NRDC: variants seen among roughly 807,000 people sequenced by gnomAD.
The protein encoded by NRDC is nardilysin convertase.
In NRDC, 54 loss-of-function variants were observed where a neutral mutation model predicts 147.1. That is an observed-to-expected ratio of 0.37 (90% CI 0.29 to 0.46). The LOEUF is 0.46. Among genes scored for constraint, NRDC ranks in the 20% least tolerant of loss-of-function variants. The pLI is 1.00. For synonymous variants in NRDC, 440 were observed against 482.1 expected, an observed-to-expected ratio of 0.91 and a Z score of 1.14; for missense variants, 1,082 against 1,370.6, an observed-to-expected ratio of 0.79 and a Z score of 3.33.
intron 2 of NRDC, chr1:51,837,536 G>C (rs756713068): frequency 1.9e-6 from 3 of 1,591,842 alleles, no homozygotes; most frequent in Non-Finnish European, 2.6e-6. Context: ...TCGACCAGCA[G>C]GGTTGAAGAC....
At chr1:51,850,951 C>A (rs994931778) in intron 1 of NRDC, among the ~76,000 whole-genome samples, 1 of 152,136 alleles carries the variant, frequency 6.6e-6, no homozygotes, top group African/African-American at 2.4e-5. Context: ...GAGCCAACTC[C>A]GGTTTGGTTC....
chr1:51,792,120 A>G, intron 25 of NRDC, 22 bp from the exon 26 acceptor site: 1 of 1,613,536 alleles, frequency 6.2e-7, no homozygotes, highest in Non-Finnish European at 8.5e-7. Context: ...CATACTGCCC[A>G]TCAGCCCAAC....
intron 9 of NRDC, among the ~76,000 whole-genome samples, chr1:51,819,051 C>T (rs1680096409): frequency 6.6e-6 from 1 of 152,094 alleles, no homozygotes; most frequent in South Asian, 2.1e-4. Context: ...CCTGTAATCC[C>T]AACACTGTGG....
At chr1:51,855,143 G>A (rs1196920812) in intron 1 of NRDC, among the ~76,000 whole-genome samples, 7 of 152,180 alleles carry the variant, frequency 4.6e-5, no homozygotes, top group Non-Finnish European at 1.0e-4. Context: ...CAAAATCAGT[G>A]TGTAACCCTC....
At chr1:51,833,298 C>T (rs951701176) in intron 4 of NRDC, among the ~76,000 whole-genome samples, 1 of 151,918 alleles carries the variant, frequency 6.6e-6, no homozygotes, top group Non-Finnish European at 1.5e-5. Flanking sequence ...CCCAATTCTA[C>T]AAAAAAATTT....
At chr1:51,834,259 T>C in intron 3 of NRDC, 89 bp from the exon 4 acceptor site, 1 of 1,314,590 alleles carries the variant, frequency 7.6e-7, no homozygotes. Flanking sequence ...ATAGAAAAAC[T>C]GAAAGAAAAT....
intron 1 of NRDC, among the ~76,000 whole-genome samples, chr1:51,852,258 TCTTAGTTTCA>T (rs201528329): frequency 0.018 from 2,738 of 152,162 alleles, 86 homozygotes; most frequent in African/African-American, 0.061. Flanking sequence ...GGCTAACGCT[TCTTAGTTTCA>T]TGGGGGAGAA....
Position 51,825,090 on chromosome 1 carries a change from C to T in NRDC, c.1036+197G>A, listed in dbSNP as rs866967152. 2.6e-5 allele frequency among the ~76,000 whole-genome samples: 4 copies of T among 152,322 alleles called. No homozygotes were observed. The South Asian group carries it at 8.3e-4, about 32-fold the overall frequency. On this transcript the variant is annotated intron_variant, in intron 6 of 30. Transcript: ENST00000352171. ...AGCATTCACAAAATGTTAGGTGTTACTCTTGCTATATTCACTGTTAGAGAA... is the reference window on the plus strand; with the variant it reads ...AGCATTCACAAAATGTTAGGTGTTATTCTTGCTATATTCACTGTTAGAGAA...
At chr1:51,792,867 C>T (rs1678718490) in intron 24 of NRDC, among the ~76,000 whole-genome samples, 1 of 152,138 alleles carries the variant, frequency 6.6e-6, no homozygotes, top group South Asian at 2.1e-4. Context: ...GGACCAAAAC[C>T]AGTTGATAAG....
chr1:51,873,479 TTTTATTTA>T (rs57413276), intron 1 of NRDC, among the ~76,000 whole-genome samples: 3,693 of 141,850 alleles, frequency 0.026, 119 homozygotes, highest in African/African-American at 0.079. Context: ...TATATGGAAT[TTTTATTTA>T]TTTATTTATT....
intron 1 of NRDC, among the ~76,000 whole-genome samples, chr1:51,848,345 G>A (rs1443317073): frequency 1.3e-5 from 2 of 152,142 alleles, no homozygotes; most frequent in African/African-American, 4.8e-5. Flanking sequence ...GACAGGCGTG[G>A]TGGCAGGCGC....
intron 1 of NRDC, among the ~76,000 whole-genome samples, chr1:51,852,818 G>A (rs1239199570): frequency 1.3e-5 from 2 of 151,958 alleles, no homozygotes; most frequent in Admixed American, 6.6e-5. Flanking sequence ...TTTCTGAGAC[G>A]TTGACAAAGA....
intron 1 of NRDC, among the ~76,000 whole-genome samples, chr1:51,857,964 T>C (rs1682334770): frequency 6.6e-6 from 1 of 152,190 alleles, no homozygotes. Context: ...TTCTACCTTC[T>C]AGCTATAAGG....
At chr1:51,813,877 T>C (rs930773091) in intron 14 of NRDC, among the ~76,000 whole-genome samples, 158 bp downstream of exon 14, 2 of 152,056 alleles carry the variant, frequency 1.3e-5, no homozygotes, top group South Asian at 2.1e-4. Flanking sequence ...AAAAACCCAA[T>C]AGTTAATTTT....
chr1:51,870,133 A>G (rs949515058), intron 1 of NRDC, among the ~76,000 whole-genome samples: 5 of 152,204 alleles, frequency 3.3e-5, no homozygotes, highest in Admixed American at 3.3e-4. Flanking sequence ...GCACTCATAC[A>G]TTCATACATT....
At chr1:51,820,823 A>AACT (rs1294567605) in intron 8 of NRDC, among the ~76,000 whole-genome samples, 2 of 152,162 alleles carry the variant, frequency 1.3e-5, no homozygotes, top group Non-Finnish European at 2.9e-5. Flanking sequence ...TTAAAATGCA[A>AACT]ACTACTAAGT....
At chr1:51,877,591 G>C (rs546814500) in intron 1 of NRDC, among the ~76,000 whole-genome samples, 1 of 152,138 alleles carries the variant, frequency 6.6e-6, no homozygotes, top group East Asian at 1.9e-4. Context: ...ACTCAGGTGG[G>C]GACTGAATCA....
chr1:51,811,529 C>T (rs950432094), intron 15 of NRDC, among the ~76,000 whole-genome samples: 4 of 152,170 alleles, frequency 2.6e-5, no homozygotes, highest in Non-Finnish European at 5.9e-5. Context: ...ATGACCCTGA[C>T]CGACAATGTA....
At chr1:51,849,230 C>CA (rs1015544153) in intron 1 of NRDC, among the ~76,000 whole-genome samples, 9 of 151,388 alleles carry the variant, frequency 5.9e-5, no homozygotes, top group Admixed American at 1.3e-4. Flanking sequence ...ACTAAAAATA[C>CA]AAAAAAATAA....
Sources: allele counts gnomAD v4.1 joint callset (sites outside exome capture counted in the v4.1 genomes callset), GRCh38; gene constraint gnomAD v4.1.1; transcripts MANE v1.5; gene names NCBI Gene and HGNC (gene_info 2026-07-23, HGNC 2026-07-21).